PAQR8: variants seen among roughly 807,000 people sequenced by gnomAD.
PAQR8 encodes membrane progestin receptor beta.
Under a neutral mutation model 25.2 loss-of-function variants are expected in PAQR8, and 17 were observed. The observed-to-expected ratio is 0.67, with a 90% CI of 0.46 to 1.01. The LOEUF is 1.01. PAQR8 is among the 50% of genes least tolerant of loss of function. The pLI is 0.00. For synonymous variants in PAQR8, 204 were observed against 190.6 expected (o/e 1.07, Z -0.58); for missense variants, 392 against 448.4 (o/e 0.87, Z 1.14).
intron 1 of PAQR8, among the ~76,000 whole-genome samples, chr6:52,401,559 A>G (rs1488115172): frequency 6.6e-6 from 1 of 152,230 alleles, no homozygotes; most frequent in Non-Finnish European, 1.5e-5. Flanking sequence ...ATTACCCAAG[A>G]GAAGCAAATC....
chr6:52,365,863 G>A (rs1202802410), intron 1 of PAQR8, among the ~76,000 whole-genome samples: 1 of 151,966 alleles, frequency 6.6e-6, no homozygotes, highest in Non-Finnish European at 1.5e-5. Context: ...GAGCATTCCT[G>A]TTATGATTGT....
chr6:52,401,479 G>A (rs775872974), intron 1 of PAQR8, among the ~76,000 whole-genome samples: 1 of 152,060 alleles, frequency 6.6e-6, no homozygotes, highest in South Asian at 2.1e-4. Context: ...TGCTGTATTC[G>A]TCTGTCACTG....
chr6:52,383,288 T>G (rs1282040225), intron 1 of PAQR8, among the ~76,000 whole-genome samples: 2 of 152,200 alleles, frequency 1.3e-5, no homozygotes, highest in Non-Finnish European at 2.9e-5. Flanking sequence ...ACAGTTCAGG[T>G]TTAGGAATAG....
rs1763302587 is a variant in PAQR8 at position 52,362,521 on chromosome 6, G to C, written c.-53+272G>C. 6.5e-6 allele frequency: 1 copy of C among 152,856 alleles called. No homozygotes were observed. Among genetic ancestry groups the C allele is most frequent in the South Asian group, 2.1e-4 (1 of 4,838 alleles). The allele number at this position is 152,856 out of a possible 1,614,324, so 9.5% of individuals were successfully genotyped here. A position where few individuals can be genotyped will look rare whatever the true frequency, so the allele number is the denominator to read the frequency against. On this transcript the variant is annotated intron_variant, in intron 1 of 1. Transcript: ENST00000442253. The surrounding 1 kb of genome is among the most constrained non-coding windows in gnomAD (Gnocchi z 4.1). ...GGATGCTGGGGAGCCCTGGAGCTCT[G>C]AACGGCTGTAGTGGGGTGGCCAGGA...
chr6:52,378,798 A>AG (rs1375595983), intron 1 of PAQR8, among the ~76,000 whole-genome samples: 32 of 147,062 alleles, frequency 2.2e-4, no homozygotes, highest in Middle Eastern at 3.8e-3. Context: ...CTAAAAAAAA[A>AG]GGGGGGGAAG....
rs1482659403 is a variant in PAQR8 at position 52,405,616 on chromosome 6, G to A, written c.*1338G>A. 6.0e-6 allele frequency: 1 copy of A among 167,086 alleles called. No homozygotes were observed. Among genetic ancestry groups the A allele is most frequent in the Non-Finnish European group, 1.5e-5 (1 of 68,116 alleles). The allele number at this position is 167,086 out of a possible 1,614,324, so 10.4% of individuals were successfully genotyped here. A position where few individuals can be genotyped will look rare whatever the true frequency, so the allele number is the denominator to read the frequency against. Reference sequence around the variant, plus strand: ...AGTGAAGGAGGCTGTGTCAAAAGAAGGGCTCAGAAGCCCTCTTTTCAGAGG... The same window carrying A: ...AGTGAAGGAGGCTGTGTCAAAAGAAAGGCTCAGAAGCCCTCTTTTCAGAGG... On this transcript the variant is annotated 3_prime_UTR_variant, in exon 2 of 2. Coordinates refer to ENST00000442253, the MANE Select transcript of PAQR8 (RefSeq NM_133367.5).
chr6:52,401,795 A>G (rs1036520475), intron 1 of PAQR8, among the ~76,000 whole-genome samples: 4 of 152,208 alleles, frequency 2.6e-5, no homozygotes, highest in African/African-American at 7.2e-5. Context: ...ATTAGTGGAT[A>G]GTTTAAGATT....
chr6:52,372,258 T>C (rs1763428161), intron 1 of PAQR8, among the ~76,000 whole-genome samples: 1 of 152,224 alleles, frequency 6.6e-6, no homozygotes, highest in Non-Finnish European at 1.5e-5. Context: ...TAAAGCTGAC[T>C]CGGAACTCTG....
At chr6:52,391,301 G>A (rs1763706374) in intron 1 of PAQR8, among the ~76,000 whole-genome samples, 1 of 152,182 alleles carries the variant, frequency 6.6e-6, no homozygotes, top group South Asian at 2.1e-4. Flanking sequence ...GTGTATCTTT[G>A]TATAACAATA....
At chr6:52,395,464 T>C (rs1455062109) in intron 1 of PAQR8, among the ~76,000 whole-genome samples, 2 of 152,144 alleles carry the variant, frequency 1.3e-5, no homozygotes, top group Non-Finnish European at 2.9e-5. Flanking sequence ...AGTTCAAATA[T>C]CCCACTGCTC....
In PAQR8 at chr6:52,362,213, T is replaced by C. The variant is rs1189530010; in HGVS notation, c.-89T>C. 1 of 151,810 alleles carries C rather than the reference T, an allele frequency of 6.6e-6. No homozygotes were observed. 9.4% of individuals were successfully genotyped at this position (151,810 alleles called of 1,614,324 possible). The stretch of plus-strand genomic sequence containing the variant: ...GGCGGGAGCGCGGGCTGGGCCGGGC[T>C]GGGCTACGCGCACGGGCTCGGCCGC... On this transcript the variant is annotated 5_prime_UTR_variant, in exon 1 of 2. Transcript: ENST00000442253. The surrounding 1 kb of genome is among the most constrained non-coding windows in gnomAD (Gnocchi z 4.1).
intron 1 of PAQR8, among the ~76,000 whole-genome samples, chr6:52,388,820 C>T (rs976997686): frequency 1.4e-4 from 21 of 152,154 alleles, no homozygotes; most frequent in Admixed American, 9.8e-4. Flanking sequence ...TTCAGGCTGT[C>T]GCTAAGCTTC....
chr6:52,381,080 A>G lies in PAQR8; in HGVS notation c.-53+18831A>G, dbSNP rs1036579593. 8.5e-5 allele frequency among the ~76,000 whole-genome samples: 13 copies of G among 152,212 alleles called. No individual in the cohort carries two copies. In the East Asian group the frequency reaches 2.1e-3, roughly 25 times the overall value. ...CACTGAACTTTGTGGGGAAATTAAT[A>G]TCTATGGATGGACAGGCACCTTTGC... On this transcript the variant is annotated intron_variant, in intron 1 of 1. Coordinates refer to ENST00000442253, the MANE Select transcript of PAQR8 (RefSeq NM_133367.5).
intron 1 of PAQR8, among the ~76,000 whole-genome samples, chr6:52,391,288 CAT>C (rs936485924): frequency 4.2e-4 from 64 of 152,210 alleles, no homozygotes; most frequent in African/African-American, 1.5e-3. Context: ...GCTCACATAT[CAT>C]GTGTATCTTT....
At chr6:52,381,017 T>G (rs1182152966) in intron 1 of PAQR8, among the ~76,000 whole-genome samples, 1 of 152,188 alleles carries the variant, frequency 6.6e-6, no homozygotes, top group Non-Finnish European at 1.5e-5. Context: ...AAATCTCTAC[T>G]TTGGAACAGG....
At chr6:52,375,820 G>T (rs1763479108) in intron 1 of PAQR8, among the ~76,000 whole-genome samples, 1 of 152,216 alleles carries the variant, frequency 6.6e-6, no homozygotes, top group Non-Finnish European at 1.5e-5. Flanking sequence ...CACCATGCCT[G>T]GCTGGGATGC....
chr6:52,397,249 C>G (rs1408259), intron 1 of PAQR8, among the ~76,000 whole-genome samples: 49 of 152,296 alleles, frequency 3.2e-4, no homozygotes, highest in African/African-American at 1.2e-3. Context: ...CTAGCCCACT[C>G]CCTTCCTCAT....
rs568516760 is a variant in PAQR8 at position 52,362,605 on chromosome 6, C to G, written c.-53+356C>G. The G allele has an allele frequency of 6.5e-6, 1 of 154,184 alleles. No individual in the cohort carries two copies. The highest frequency in any genetic ancestry group is 1.9e-4 in the East Asian group (1 of 5,208). 9.6% of individuals were successfully genotyped at this position (154,184 alleles called of 1,614,324 possible). A position where few individuals can be genotyped will look rare whatever the true frequency, so the allele number is the denominator to read the frequency against. Reference sequence around the variant, plus strand: ...GGAGAGCTGGCGGGGGTGTGGGGACCGCGATGTTGGGAAGGCTGAGCCCGG... The same window carrying G: ...GGAGAGCTGGCGGGGGTGTGGGGACGGCGATGTTGGGAAGGCTGAGCCCGG... On this transcript the variant is annotated intron_variant, in intron 1 of 1. Coordinates refer to ENST00000442253, the MANE Select transcript of PAQR8 (RefSeq NM_133367.5). The surrounding 1 kb of genome is among the most constrained non-coding windows in gnomAD (Gnocchi z 4.1).
At chr6:52,403,104 G>A (rs1046812798) in intron 1 of PAQR8, 58 bp from the exon 2 acceptor site, 8 of 884,976 alleles carry the variant, frequency 9.0e-6, no homozygotes, top group East Asian at 2.7e-5. Flanking sequence ...TTCCTTGTCC[G>A]TCTTAGCTGC....
Sources: allele counts gnomAD v4.1 joint callset (sites outside exome capture counted in the v4.1 genomes callset), GRCh38; gene constraint gnomAD v4.1.1; non-coding constraint Gnocchi (gnomAD v3.1); transcripts MANE v1.5; gene names NCBI Gene and HGNC (gene_info 2026-07-23, HGNC 2026-07-21).